Variants in ADAMTS9 observed in about 807,000 individuals in gnomAD.
ADAMTS9 encodes ADAM metallopeptidase with thrombospondin type 1 motif 9.
Under a neutral mutation model 257.1 loss-of-function variants are expected in ADAMTS9, and 107 were observed. The observed-to-expected ratio is 0.42, with a 90% CI of 0.36 to 0.49. The LOEUF (loss-of-function observed/expected upper bound fraction) is 0.49. Ranked by LOEUF, ADAMTS9 falls within the 20% of genes least tolerant of loss-of-function variation. The pLI is 0.03. For synonymous variants in ADAMTS9, 982 were observed against 880.9 expected, an observed-to-expected ratio of 1.11 and a Z score of -2.03; for missense variants, 2,353 against 2,469.1, an observed-to-expected ratio of 0.95 and a Z score of 1.00.
At chr3:64,609,582 A>G (rs2084627491) in intron 22 of ADAMTS9, among the ~76,000 whole-genome samples, 1 of 152,190 alleles carries the variant, frequency 6.6e-6, no homozygotes, top group Non-Finnish European at 1.5e-5. Flanking sequence ...ACAAGGAGGT[A>G]AAGGCTTTCT....
intron 30 of ADAMTS9, among the ~76,000 whole-genome samples, chr3:64,557,394 T>C (rs1000776727): frequency 2.0e-5 from 3 of 152,178 alleles, no homozygotes; most frequent in Non-Finnish European, 2.9e-5. Context: ...AAGTAAATCC[T>C]TTGTGATAAT....
intron 32 of ADAMTS9, among the ~76,000 whole-genome samples, chr3:64,545,894 C>A (rs113777448): frequency 6.6e-6 from 1 of 152,176 alleles, no homozygotes; most frequent in East Asian, 1.9e-4. Flanking sequence ...CCATGCCTGG[C>A]TGCCTGACAA....
At chr3:64,544,581 A>G (rs2083172192) in intron 32 of ADAMTS9, among the ~76,000 whole-genome samples, 1 of 152,222 alleles carries the variant, frequency 6.6e-6, no homozygotes, top group South Asian at 2.1e-4. Flanking sequence ...CTGAAACTGG[A>G]TCCCTTCCTT....
chr3:64,610,139 C>T (rs549091260), intron 22 of ADAMTS9, among the ~76,000 whole-genome samples: 2 of 152,158 alleles, frequency 1.3e-5, no homozygotes, highest in Non-Finnish European at 2.9e-5. Flanking sequence ...GTGGCCCAAA[C>T]ATAAGAGCTA....
intron 19 of ADAMTS9, among the ~76,000 whole-genome samples, chr3:64,619,092 A>C (rs996178204): frequency 3.3e-5 from 5 of 152,134 alleles, no homozygotes; most frequent in Admixed American, 1.3e-4. Context: ...GTTCTTAAAG[A>C]ATTATTTATT....
chr3:64,661,995 C>T (rs1036716620), intron 3 of ADAMTS9, among the ~76,000 whole-genome samples: 1 of 151,634 alleles, frequency 6.6e-6, no homozygotes, highest in Non-Finnish European at 1.5e-5. Flanking sequence ...CTTTCCGTTG[C>T]CTTAAAGTAG....
At chr3:64,672,702 T>A (rs1180052507) in intron 3 of ADAMTS9, among the ~76,000 whole-genome samples, 2 of 151,938 alleles carry the variant, frequency 1.3e-5, no homozygotes, top group Non-Finnish European at 2.9e-5. Flanking sequence ...CAACAAAGGT[T>A]TTGGGGAATA....
At chr3:64,650,294 C>T (rs1700900349) in intron 9 of ADAMTS9, 2 of 152,690 alleles carry the variant, frequency 1.3e-5, no homozygotes, top group Non-Finnish European at 2.9e-5. Flanking sequence ...AAAATTCACA[C>T]CCGTTGAGTT....
At chr3:64,656,488 A>C (rs1171928055) in intron 4 of ADAMTS9, among the ~76,000 whole-genome samples, 1 of 152,164 alleles carries the variant, frequency 6.6e-6, no homozygotes, top group African/African-American at 2.4e-5. Flanking sequence ...GGTACTATTA[A>C]AATTTCTGTT....
At chr3:64,530,689 G>A (rs1268034141) in intron 38 of ADAMTS9, among the ~76,000 whole-genome samples, 3 of 152,060 alleles carry the variant, frequency 2.0e-5, no homozygotes, top group South Asian at 2.1e-4. Context: ...TGGCTGAAAC[G>A]GTAGTAACTA....
intron 3 of ADAMTS9, among the ~76,000 whole-genome samples, chr3:64,678,034 T>A (rs1176878284): frequency 6.6e-6 from 1 of 152,210 alleles, no homozygotes; most frequent in Non-Finnish European, 1.5e-5. Flanking sequence ...ACATATTCCA[T>A]CTGCGTGTGA....
chr3:64,650,888 T>A, intron 9 of ADAMTS9, 129 bp downstream of exon 9: 3 of 781,792 alleles, frequency 3.8e-6, no homozygotes, highest in Non-Finnish European at 5.6e-6. Context: ...TTTTTTTGCC[T>A]TCTCCAAGGA....
chr3:64,623,794 A>T (rs1700164263), intron 16 of ADAMTS9, among the ~76,000 whole-genome samples: 1 of 152,198 alleles, frequency 6.6e-6, no homozygotes, highest in Admixed American at 6.5e-5. Context: ...TGTTGGGATC[A>T]TTTTATTCAC....
At chr3:64,597,630 G>C (rs1480221253) in intron 26 of ADAMTS9, among the ~76,000 whole-genome samples, 2 of 152,084 alleles carry the variant, frequency 1.3e-5, no homozygotes, top group Non-Finnish European at 2.9e-5. Context: ...GAACTTAATT[G>C]AATTTCATCA....
chr3:64,667,092 A>G (rs1330516426), intron 3 of ADAMTS9, among the ~76,000 whole-genome samples: 3 of 152,356 alleles, frequency 2.0e-5, no homozygotes, highest in Admixed American at 6.5e-5. Context: ...CAGTGCTGAC[A>G]GTAAATAAAT....
At chr3:64,555,050 A>T (rs192326061) in intron 30 of ADAMTS9, among the ~76,000 whole-genome samples, 1 of 152,272 alleles carries the variant, frequency 6.6e-6, no homozygotes, top group Non-Finnish European at 1.5e-5. Flanking sequence ...CTACCTTTTA[A>T]GGTTGTTGAT....
At chr3:64,583,019 G>T (rs1180544821) in intron 28 of ADAMTS9, 1 of 152,104 alleles carries the variant, frequency 6.6e-6, no homozygotes, top group African/African-American at 2.4e-5. Flanking sequence ...ACTTAAAAAG[G>T]AATCTCTATA....
At chr3:64,653,159 A>G (rs1700974935) in intron 8 of ADAMTS9, among the ~76,000 whole-genome samples, 1 of 152,216 alleles carries the variant, frequency 6.6e-6, no homozygotes, top group Non-Finnish European at 1.5e-5. Context: ...TGCAGATGAG[A>G]AAACTGAGCC....
intron 38 of ADAMTS9, among the ~76,000 whole-genome samples, chr3:64,530,580 CT>C (rs1217837538): frequency 6.6e-6 from 1 of 151,816 alleles, no homozygotes; most frequent in Admixed American, 6.6e-5. Flanking sequence ...ACCCAGCTCC[CT>C]CCAGCCCAGG....
Sources: gnomAD v4.1 joint callset for allele counts (sites outside exome capture counted in the v4.1 genomes callset) on GRCh38, gnomAD v4.1.1 for gene constraint, MANE v1.5 for transcripts, NCBI Gene and HGNC (gene_info 2026-07-23, HGNC 2026-07-21) for gene names.